WWOX: variants seen among roughly 807,000 people sequenced by gnomAD.
WWOX encodes the protein WW domain containing oxidoreductase, also known as WW domain-containing oxidoreductase.
WWOX carries 69 observed loss-of-function variants against 46.2 expected under a neutral mutation model. That is an observed-to-expected ratio of 1.49 (90% CI 1.23 to 1.82). The LOEUF (loss-of-function observed/expected upper bound fraction) is 1.82. WWOX is among the 40% of genes most tolerant of loss of function. The pLI is 0.00. For synonymous variants in WWOX, 359 were observed against 202.6 expected, an observed-to-expected ratio of 1.77 and a Z score of -6.56; for missense variants, 919 against 542.6, an observed-to-expected ratio of 1.69 and a Z score of -6.89.
At chr16:78,645,596 G>A (rs546806699) in intron 8 of WWOX, among the ~76,000 whole-genome samples, 2 of 152,118 alleles carry the variant, frequency 1.3e-5, no homozygotes, top group South Asian at 2.1e-4. Context: ...AGAACATATA[G>A]GGAGAAAGGG....
chr16:78,877,306 C>G (rs1076599), intron 8 of WWOX, among the ~76,000 whole-genome samples: 16,748 of 151,386 alleles, frequency 0.11, 1,445 homozygotes, highest in African/African-American at 0.24. Context: ...CTGCCTCCCC[C>G]CTGTGAGCTT....
At chr16:78,573,148 G>A (rs2044760860) in intron 8 of WWOX, among the ~76,000 whole-genome samples, 1 of 152,296 alleles carries the variant, frequency 6.6e-6, no homozygotes, top group African/African-American at 2.4e-5. Flanking sequence ...AGCCAGGCAT[G>A]GTGGCGGGGT....
At chr16:78,991,194 C>G (rs1015618911) in intron 8 of WWOX, among the ~76,000 whole-genome samples, 2 of 152,194 alleles carry the variant, frequency 1.3e-5, no homozygotes, top group Non-Finnish European at 2.9e-5. Context: ...TGGAGAAATT[C>G]TCACCACTGT....
intron 8 of WWOX, among the ~76,000 whole-genome samples, chr16:78,722,308 C>G (rs1026169358): frequency 6.6e-6 from 1 of 152,176 alleles, no homozygotes; most frequent in Admixed American, 6.5e-5. Flanking sequence ...CTTTGAGCAT[C>G]TTTACTCAAG....
chr16:78,406,059 C>T (rs912149741), intron 6 of WWOX, among the ~76,000 whole-genome samples: 4 of 152,036 alleles, frequency 2.6e-5, no homozygotes, highest in Admixed American at 6.6e-5. Context: ...GGGTGTCTCA[C>T]GTGAAAGTAA....
intron 8 of WWOX, among the ~76,000 whole-genome samples, chr16:78,850,700 G>T (rs1022068126): frequency 6.6e-6 from 1 of 152,132 alleles, no homozygotes; most frequent in Non-Finnish European, 1.5e-5. Context: ...CTCTGTGCCA[G>T]TCACTGCCTG....
chr16:78,421,225 A>C (rs1475585835), intron 6 of WWOX, among the ~76,000 whole-genome samples: 3 of 152,204 alleles, frequency 2.0e-5, no homozygotes, highest in Non-Finnish European at 4.4e-5. Flanking sequence ...AGTTTCAGAG[A>C]CCAAACATCT....
intron 4 of WWOX, among the ~76,000 whole-genome samples, chr16:78,137,574 A>G (rs1341020270): frequency 6.6e-6 from 1 of 152,174 alleles, no homozygotes; most frequent in Non-Finnish European, 1.5e-5. Context: ...ATGCCGCCAC[A>G]GAGGGAATTA....
At chr16:78,313,996 C>T (rs1352962756) in intron 5 of WWOX, among the ~76,000 whole-genome samples, 1 of 152,184 alleles carries the variant, frequency 6.6e-6, no homozygotes, top group African/African-American at 2.4e-5. Context: ...GGCTGTTCCG[C>T]TTTCTAACAA....
rs746205338 is a variant in WWOX at position 78,555,731 on chromosome 16, C to T, written c.1056+122979C>T. ...GAAGCCCCTGCAGTTCCAAATGACT[C>T]CACATTTGGAATGATTTCACAAGGA... On this transcript the variant is annotated intron_variant, in intron 8 of 8. Transcript: ENST00000566780. Among the ~76,000 whole-genome samples the T allele has an allele frequency of 3.6e-4, 54 of 151,994 alleles. 1 individual carries two copies. Among genetic ancestry groups the T allele is most frequent in the Admixed American group, 2.3e-3 (35 of 15,260 alleles).
chr16:79,185,230 A>G (rs59152415), intron 8 of WWOX, among the ~76,000 whole-genome samples: 9,163 of 152,142 alleles, frequency 0.06, 938 homozygotes, highest in African/African-American at 0.21. Flanking sequence ...AAATAGCATC[A>G]TTTCCTGGTG....
chr16:78,705,976 G>A (rs2048319751), intron 8 of WWOX, among the ~76,000 whole-genome samples: 1 of 151,386 alleles, frequency 6.6e-6, no homozygotes, highest in Non-Finnish European at 1.5e-5. Context: ...TGTGCGTACA[G>A]CAGTGACTCA....
intron 8 of WWOX, among the ~76,000 whole-genome samples, chr16:78,966,104 T>C (rs554194468): frequency 6.6e-6 from 1 of 152,324 alleles, no homozygotes; most frequent in Non-Finnish European, 1.5e-5. Flanking sequence ...CGTGGCTTCT[T>C]ACCTATCAGC....
intron 8 of WWOX, among the ~76,000 whole-genome samples, chr16:79,110,435 G>A (rs1447642964): frequency 2.0e-5 from 3 of 152,104 alleles, no homozygotes; most frequent in Non-Finnish European, 4.4e-5. Flanking sequence ...TTGGAGTCCT[G>A]CCTCCAGCTG....
intron 8 of WWOX, among the ~76,000 whole-genome samples, chr16:78,818,268 C>T (rs1166257648): frequency 1.3e-5 from 2 of 152,202 alleles, no homozygotes; most frequent in Admixed American, 6.5e-5. Context: ...CATCAGAGCC[C>T]ATCTACTTTC....
intron 4 of WWOX, among the ~76,000 whole-genome samples, chr16:78,149,862 A>T (rs1177162153): frequency 2.2e-4 from 34 of 152,102 alleles, no homozygotes; most frequent in Admixed American, 2.2e-3. Flanking sequence ...TCTTAACCCT[A>T]AAGGAAGGAA....
At chr16:78,395,447 T>C (rs946010533) in intron 6 of WWOX, among the ~76,000 whole-genome samples, 7 of 152,076 alleles carry the variant, frequency 4.6e-5, no homozygotes, top group African/African-American at 1.7e-4. Flanking sequence ...TGAGCCAGCA[T>C]GGTGGAGGCT....
chr16:79,068,820 C>CAAT (rs61494401), intron 8 of WWOX, among the ~76,000 whole-genome samples: 52,262 of 138,056 alleles, frequency 0.38, 10,269 homozygotes, highest in Middle Eastern at 0.49. Flanking sequence ...CAAAAAAACC[C>CAAT]AATAATAATA....
chr16:79,104,671 C>T (rs1372318234), intron 8 of WWOX, among the ~76,000 whole-genome samples: 1 of 152,138 alleles, frequency 6.6e-6, no homozygotes, highest in Admixed American at 6.6e-5. Context: ...AAATGCAGGT[C>T]ATGATGTGTA....
Sources: gnomAD v4.1 joint callset for allele counts (sites outside exome capture counted in the v4.1 genomes callset) on GRCh38, gnomAD v4.1.1 for gene constraint, MANE v1.5 for transcripts, NCBI Gene and HGNC (gene_info 2026-07-23, HGNC 2026-07-21) for gene names.